The following PCDH9 variants were observed in gnomAD, a reference collection of about 807,000 sequenced individuals.
PCDH9 encodes the protein protocadherin 9.
PCDH9 carries 24 observed loss-of-function variants against 70.6 expected under a neutral mutation model. The ratio of observed to expected loss-of-function variants is 0.34; its 90% CI spans 0.25 to 0.48. PCDH9 has a LOEUF of 0.48. PCDH9 is among the 20% of genes least tolerant of loss of function. PCDH9 has a pLI of 0.99. For missense variants in PCDH9, 1,281 were observed against 1,503.6 expected, an observed-to-expected ratio of 0.85 and a Z score of 2.45; for synonymous variants, 562 against 558.5, an observed-to-expected ratio of 1.01 and a Z score of -0.09.
intron 3 of PCDH9, among the ~76,000 whole-genome samples, chr13:66,687,347 C>T (rs1444073099): frequency 6.6e-6 from 1 of 152,050 alleles, no homozygotes; most frequent in Non-Finnish European, 1.5e-5. Context: ...TGGCTCATTA[C>T]TTTTTCTATT....
chr13:66,558,819 A>G (rs1961863507), intron 4 of PCDH9, among the ~76,000 whole-genome samples: 1 of 152,152 alleles, frequency 6.6e-6, no homozygotes, highest in Admixed American at 6.5e-5. Flanking sequence ...CCTTGGGGCA[A>G]AAGTTCAAAT....
At chr13:66,486,346 G>A (rs866540212) in intron 4 of PCDH9, among the ~76,000 whole-genome samples, 1 of 152,222 alleles carries the variant, frequency 6.6e-6, no homozygotes, top group South Asian at 2.1e-4. Context: ...GGTTGGGAGT[G>A]GGGGTGGTGC....
intron 3 of PCDH9, among the ~76,000 whole-genome samples, chr13:66,644,323 T>C (rs9540849): frequency 0.14 from 14,732 of 104,420 alleles, 757 homozygotes; most frequent in South Asian, 0.19. Flanking sequence ...TAACAGATGC[T>C]ACACTCATGC....
chr13:66,708,404 T>TTC (rs372191354), intron 3 of PCDH9, among the ~76,000 whole-genome samples: 1 of 16,884 alleles, frequency 5.9e-5, no homozygotes, highest in African/African-American at 1.0e-4. Context: ...TGAGATTTAG[T>TTC]TTTTTTTTTT....
At chr13:66,898,618 T>C (rs1359962748) in intron 3 of PCDH9, among the ~76,000 whole-genome samples, 1 of 152,002 alleles carries the variant, frequency 6.6e-6, no homozygotes, top group Non-Finnish European at 1.5e-5. Context: ...ATATTCATAA[T>C]ACAGCAATAA....
chr13:67,187,990 T>G (rs1178901522), intron 2 of PCDH9, among the ~76,000 whole-genome samples: 1 of 152,148 alleles, frequency 6.6e-6, no homozygotes, highest in Non-Finnish European at 1.5e-5. Context: ...ACTGTAATCA[T>G]TGTGACTATA....
chr13:66,829,166 T>A (rs1215581613), intron 3 of PCDH9, among the ~76,000 whole-genome samples: 1 of 152,026 alleles, frequency 6.6e-6, no homozygotes, highest in East Asian at 1.9e-4. Flanking sequence ...TACAGGCATG[T>A]GCCACCATGC....
intron 3 of PCDH9, among the ~76,000 whole-genome samples, chr13:66,722,036 C>G (rs1274352339): frequency 6.6e-6 from 1 of 152,132 alleles, no homozygotes; most frequent in Non-Finnish European, 1.5e-5. Context: ...TATCTTCCAC[C>G]ATTATCTAAA....
At chr13:66,944,577 G>A (rs1158130004) in intron 2 of PCDH9, among the ~76,000 whole-genome samples, 1 of 152,012 alleles carries the variant, frequency 6.6e-6, no homozygotes, top group Non-Finnish European at 1.5e-5. Flanking sequence ...ATGTGGTCAT[G>A]AAAAGTTTGA....
At chr13:66,463,336 T>C (rs1958458492) in intron 4 of PCDH9, among the ~76,000 whole-genome samples, 1 of 151,842 alleles carries the variant, frequency 6.6e-6, no homozygotes, top group East Asian at 1.9e-4. Context: ...TTCCAAGTTG[T>C]TCAAGAAAAC....
intron 2 of PCDH9, among the ~76,000 whole-genome samples, chr13:67,093,486 C>A (rs985711774): frequency 6.6e-6 from 1 of 151,768 alleles, no homozygotes; most frequent in Admixed American, 6.6e-5. Context: ...AATAAATAAA[C>A]GAGCAAAATT....
At chr13:66,857,869 T>C (rs762359715) in intron 3 of PCDH9, among the ~76,000 whole-genome samples, 10 of 152,238 alleles carry the variant, frequency 6.6e-5, no homozygotes, top group Non-Finnish European at 1.3e-4. Flanking sequence ...GACATACTGA[T>C]ATTATTTGCT....
Position 66,435,856 on chromosome 13 carries a change from C to T in PCDH9, c.3341-130828G>A, listed in dbSNP as rs935462925. Among the ~76,000 whole-genome samples, 7 of 152,220 alleles carry T rather than the reference C, an allele frequency of 4.6e-5. No homozygotes were observed. The East Asian group carries it at 5.8e-4, about 13-fold the overall frequency. On this transcript the variant is annotated intron_variant, in intron 4 of 4. Coordinates refer to ENST00000377865, the MANE Select transcript of PCDH9 (RefSeq NM_203487.3). ...GCTTGGAGATTACAATGGGAGCCAG[C>T]GACTTGGAGAAGAAAGTTATTTTCT...
At position 66,767,085 on chromosome 13, in the gene PCDH9, G is replaced by A. The variant is rs146925174; in HGVS notation, c.3139-135674C>T. Among the ~76,000 whole-genome samples the A allele has an allele frequency of 4.2e-3, 642 of 152,014 alleles. 7 individuals carry two copies. Among genetic ancestry groups the A allele is most frequent in the Non-Finnish European group, 6.8e-3 (464 of 67,968 alleles). On this transcript the variant is annotated intron_variant, in intron 3 of 4. Coordinates refer to ENST00000377865, the MANE Select transcript of PCDH9 (RefSeq NM_203487.3). ...AACTGACTTCTAGGTCTGATACAGC[G>A]TCTAAAAATATATTCGCAGTAGAAA...
chr13:66,761,828 A>T (rs2079632848), intron 3 of PCDH9, among the ~76,000 whole-genome samples: 1 of 151,986 alleles, frequency 6.6e-6, no homozygotes, highest in Admixed American at 6.6e-5. Flanking sequence ...CCTTAAAAAA[A>T]ATCATTATTT....
chr13:66,597,926 C>CA (rs143609482), intron 4 of PCDH9, among the ~76,000 whole-genome samples: 8 of 147,638 alleles, frequency 5.4e-5, no homozygotes, highest in Non-Finnish European at 7.5e-5. Context: ...GACACTTCTC[C>CA]AAAAAAAAAC....
At chr13:66,509,817 A>C (rs552170078) in intron 4 of PCDH9, among the ~76,000 whole-genome samples, 92 of 152,254 alleles carry the variant, frequency 6.0e-4, no homozygotes, top group Non-Finnish European at 1.2e-3. Flanking sequence ...TTTTGCTTTG[A>C]CATTTCACAT....
chr13:67,071,604 T>C (rs1016593807), intron 2 of PCDH9, among the ~76,000 whole-genome samples: 1 of 152,028 alleles, frequency 6.6e-6, no homozygotes, highest in African/African-American at 2.4e-5. Flanking sequence ...ACTAAGAGAA[T>C]GCTTTAGGCT....
intron 3 of PCDH9, among the ~76,000 whole-genome samples, chr13:66,769,443 C>T (rs915302051): frequency 1.1e-4 from 16 of 150,630 alleles, no homozygotes; most frequent in African/African-American, 3.7e-4. Context: ...TTTGGGAAAG[C>T]GATATCCTGA....
Sources: allele counts gnomAD v4.1 joint callset (sites outside exome capture counted in the v4.1 genomes callset), GRCh38; gene constraint gnomAD v4.1.1; transcripts MANE v1.5; gene names NCBI Gene and HGNC (gene_info 2026-07-23, HGNC 2026-07-21).